The following SCGN variants were observed in gnomAD, a reference collection of about 807,000 sequenced individuals.
SCGN encodes the protein secretagogin, EF-hand calcium binding protein.
In SCGN, 30 loss-of-function variants were observed where a neutral mutation model predicts 39.7. The ratio of observed to expected loss-of-function variants is 0.76; its 90% CI spans 0.57 to 1.03. The LOEUF (loss-of-function observed/expected upper bound fraction) is 1.03. Ranked by LOEUF, SCGN falls within the 50% of genes least tolerant of loss-of-function variation. The probability of loss-of-function intolerance (pLI) is 0.00; values close to 1 mark genes in which losing one functional copy is unlikely to be tolerated. For synonymous variants in SCGN, 106 were observed against 114.1 expected (o/e 0.93, Z 0.45); for missense variants, 353 against 349.4 (o/e 1.01, Z -0.08).
chr6:25,665,489 G>A (rs550416663), intron 4 of SCGN, among the ~76,000 whole-genome samples: 1 of 152,326 alleles, frequency 6.6e-6, no homozygotes, highest in African/African-American at 2.4e-5. Context: ...ATTCATTAGA[G>A]TGCTGGTCCA....
At position 25,686,180 on chromosome 6, in the gene SCGN, T is replaced by G. The variant is rs532260043; in HGVS notation, c.528-2992T>G. ...ACTTTTTAGAGATTATGAATAACGT[T>G]GCTACATGTTTTGGGACAAATATAC... On this transcript the variant is annotated intron_variant, in intron 7 of 10. Transcript: ENST00000377961. Among the ~76,000 whole-genome samples the G allele has an allele frequency of 3.3e-5, 5 of 152,330 alleles. 1 individual carries two copies. In the South Asian group the frequency reaches 1.0e-3, roughly 32 times the overall value.
At chr6:25,694,378 G>A (rs1432674995) in intron 10 of SCGN, among the ~76,000 whole-genome samples, 1 of 152,174 alleles carries the variant, frequency 6.6e-6, no homozygotes, top group African/African-American at 2.4e-5. Flanking sequence ...TGAAAGAGAT[G>A]GGAAAAATAC....
In SCGN at chr6:25,661,567, G is replaced by A. The variant is rs148531052; in HGVS notation, c.169G>A (p.Ala57Thr). 62 of 1,613,098 alleles carry A rather than the reference G, an allele frequency of 3.8e-5. No homozygotes were observed. The highest frequency in any genetic ancestry group is 4.9e-5 in the Non-Finnish European group (58 of 1,179,480). ...TCAATTGCAGGACACGGTCATGAAA[G>A]CAAATTTGCACAAGGTGAAACAGCA... ...KLGTDDTVMK[A>T]NLHKVKQQFM... Residue 57 changes from alanine (A) to threonine (T), a missense_variant, in exon 3 of 11, where the codon GCA (alanine) becomes ACA (threonine). Ala to Thr is a moderately conservative substitution (Grantham distance 58). Coordinates refer to ENST00000377961, the MANE Select transcript of SCGN (RefSeq NM_006998.4).
At position 25,688,801 on chromosome 6, in the gene SCGN, C is replaced by CAAAAAAAAA. The variant is rs10626691; in HGVS notation, c.528-365_528-357dup. On this transcript the variant is annotated intron_variant, in intron 7 of 10. Transcript: ENST00000377961. ...TGGGCGACAGAGAGAGATTCTGTCT[C>CAAAAAAAAA]AAAAAAAAAAAAAAGATTTTTTTCA... Among the ~76,000 whole-genome samples the CAAAAAAAAA allele has an allele frequency of 8.9e-4, 92 of 103,110 alleles. No homozygotes were observed. In the South Asian group the frequency reaches 9.1e-3, roughly 10 times the overall value. 67.6% of individuals were successfully genotyped at this position (103,110 alleles called of 152,430 possible).
At chr6:25,661,362 G>T (rs185815287) in intron 2 of SCGN, among the ~76,000 whole-genome samples, 190 bp from the exon 3 acceptor site, 5 of 152,238 alleles carry the variant, frequency 3.3e-5, no homozygotes, top group East Asian at 3.9e-4. Flanking sequence ...ATTAGTGCTT[G>T]GTTGCTCAAG....
chr6:25,654,878 C>A (rs879658481), intron 2 of SCGN, among the ~76,000 whole-genome samples: 8 of 152,176 alleles, frequency 5.3e-5, no homozygotes, highest in Non-Finnish European at 8.8e-5. Context: ...GACACAAGTC[C>A]CTTCTTTCCT....
At chr6:25,677,718 T>A (rs1357580304) in intron 6 of SCGN, among the ~76,000 whole-genome samples, 1 of 152,214 alleles carries the variant, frequency 6.6e-6, no homozygotes, top group Non-Finnish European at 1.5e-5. Context: ...TAAGACTCTG[T>A]GAATGGTAGT....
chr6:25,672,320 C>A (rs1759510655), intron 6 of SCGN, among the ~76,000 whole-genome samples: 1 of 152,050 alleles, frequency 6.6e-6, no homozygotes, highest in Non-Finnish European at 1.5e-5. Context: ...GGGAGACTGA[C>A]AACAAATAAT....
intron 10 of SCGN, among the ~76,000 whole-genome samples, chr6:25,693,642 T>C (rs1469795969): frequency 7.4e-6 from 1 of 135,680 alleles, no homozygotes; most frequent in Non-Finnish European, 1.6e-5. Flanking sequence ...AGAAAACATC[T>C]AAAAGATAGG....
intron 6 of SCGN, among the ~76,000 whole-genome samples, chr6:25,675,567 T>C (rs1759554277): frequency 6.6e-6 from 1 of 152,252 alleles, no homozygotes; most frequent in Non-Finnish European, 1.5e-5. Context: ...CTGGCCTGAG[T>C]GCACTCAAGA....
At chr6:25,673,872 T>C (rs923388661) in intron 6 of SCGN, among the ~76,000 whole-genome samples, 5 of 152,198 alleles carry the variant, frequency 3.3e-5, no homozygotes, top group Admixed American at 1.3e-4. Flanking sequence ...TGTACAAGCA[T>C]GGTGCTGGCA....
intron 4 of SCGN, among the ~76,000 whole-genome samples, chr6:25,668,728 A>C (rs1259553612): frequency 3.3e-5 from 5 of 150,316 alleles, no homozygotes; most frequent in Non-Finnish European, 1.5e-5. Context: ...CTTTGGTTTC[A>C]GTCCTACATT....
chr6:25,657,147 G>A (rs866055111), intron 2 of SCGN, among the ~76,000 whole-genome samples: 7 of 152,144 alleles, frequency 4.6e-5, no homozygotes, highest in South Asian at 4.1e-4. Flanking sequence ...GATTAGTGGG[G>A]TATCACATGA....
At chr6:25,671,497 G>A (rs755334185) in intron 6 of SCGN, among the ~76,000 whole-genome samples, 4 of 152,184 alleles carry the variant, frequency 2.6e-5, no homozygotes, top group Admixed American at 2.6e-4. Flanking sequence ...GCCTAGACAG[G>A]AGAAAACAAA....
intron 2 of SCGN, among the ~76,000 whole-genome samples, chr6:25,656,441 C>T (rs1760228644): frequency 6.6e-6 from 1 of 152,202 alleles, no homozygotes; most frequent in Non-Finnish European, 1.5e-5. Context: ...ACCTATTCCT[C>T]AGAGCCTCGG....
chr6:25,688,021 T>C (rs1759727099), intron 7 of SCGN, among the ~76,000 whole-genome samples: 1 of 152,244 alleles, frequency 6.6e-6, no homozygotes, highest in Admixed American at 6.5e-5. Flanking sequence ...TAAAATTTTA[T>C]CTTTATATAT....
At chr6:25,663,056 C>T (rs1209599806) in intron 3 of SCGN, among the ~76,000 whole-genome samples, 1 of 152,154 alleles carries the variant, frequency 6.6e-6, no homozygotes, top group African/African-American at 2.4e-5. Context: ...TAATCCTGCA[C>T]GTGAGTGTCA....
intron 2 of SCGN, among the ~76,000 whole-genome samples, chr6:25,660,024 A>C (rs576854559): frequency 6.6e-6 from 1 of 152,310 alleles, no homozygotes; most frequent in South Asian, 2.1e-4. Flanking sequence ...TGGAGCACAA[A>C]AGAAAAAAAC....
At chr6:25,667,811 C>A (rs974527646) in intron 4 of SCGN, among the ~76,000 whole-genome samples, 1 of 152,262 alleles carries the variant, frequency 6.6e-6, no homozygotes, top group South Asian at 2.1e-4. Context: ...ACATAAAAAT[C>A]TTTGGCTCTC....
Sources: gnomAD v4.1 joint callset for allele counts (sites outside exome capture counted in the v4.1 genomes callset) on GRCh38, gnomAD v4.1.1 for gene constraint, MANE v1.5 for transcripts, NCBI Gene and HGNC (gene_info 2026-07-23, HGNC 2026-07-21) for gene names.